ADCY7: variants seen among roughly 807,000 people sequenced by gnomAD.
ADCY7 encodes adenylate cyclase 7.
In ADCY7, 72 loss-of-function variants were observed where a neutral mutation model predicts 120.6. The observed-to-expected ratio is 0.60, with a 90% CI of 0.49 to 0.73. The LOEUF is 0.73. Ranked by LOEUF, ADCY7 falls within the 30% of genes least tolerant of loss-of-function variation. The pLI is 0.00. For missense variants in ADCY7, 1,227 were observed against 1,486.0 expected (o/e 0.83, Z 2.87); for synonymous variants, 661 against 628.0 (o/e 1.05, Z -0.78).
chr16:50,250,571 C>CCAG (rs2032728528), intron 1 of ADCY7, among the ~76,000 whole-genome samples: 1 of 150,766 alleles, frequency 6.6e-6, no homozygotes, highest in Non-Finnish European at 1.5e-5. Context: ...GAGTGTGAGA[C>CCAG]CAGCTTGGAC....
At chr16:50,308,859 A>G in intron 17 of ADCY7, 67 bp downstream of exon 17, 10 of 1,520,108 alleles carry the variant, frequency 6.6e-6, no homozygotes, top group Non-Finnish European at 8.8e-6. Context: ...GGACGCCTAC[A>G]ATGTGGCCTT....
In ADCY7 at chr16:50,270,374, T is replaced by C. The variant is rs141457678; in HGVS notation, c.-269+3694T>C. Among the ~76,000 whole-genome samples, 35 of 152,336 alleles carry C rather than the reference T, an allele frequency of 2.3e-4. No homozygotes were observed. In the East Asian group the frequency reaches 5.8e-3, roughly 25 times the overall value. On this transcript the variant is annotated intron_variant, in intron 1 of 25. Transcript: ENST00000673801. ...CCCGCCTCCAGGCAGAACTGGACTG[T>C]GCTCTGGTCCGGCGGCACGGGTTCC...
intron 3 of ADCY7, among the ~76,000 whole-genome samples, chr16:50,291,531 G>C (rs1262634677): frequency 6.6e-6 from 1 of 152,206 alleles, no homozygotes; most frequent in Admixed American, 6.5e-5. Flanking sequence ...GATCAGCACA[G>C]GAAACCATGA....
intron 9 of ADCY7, 93 bp downstream of exon 9, chr16:50,300,966 G>A (rs2035679139): frequency 6.5e-7 from 1 of 1,532,040 alleles, no homozygotes; most frequent in Non-Finnish European, 8.8e-7. Flanking sequence ...AGGTGTGGAG[G>A]GAGAGATGAA....
In ADCY7 at chr16:50,308,358, G is replaced by A. The variant is rs1231242794; in HGVS notation, c.1882G>A (p.Val628Met). The A allele has an allele frequency of 6.2e-7, 1 of 1,614,190 alleles. No individual in the cohort carries two copies. The highest frequency in any genetic ancestry group is 1.7e-5 in the Admixed American group (1 of 60,028). Residue 628 changes from valine (V) to methionine (M), a missense_variant, in exon 16 of 26, where the codon GTG becomes ATG. Around this residue, in one of 5 missense-constraint regions of ADCY7, gnomAD observed 267 missense variants for 270.0 expected, o/e 0.99. Coordinates refer to ENST00000673801, the MANE Select transcript of ADCY7 (RefSeq NM_001114.5). ...TAALGVSFGL[V>M]ACVLGLVLGL... ...GGCACTGGGTGTGTCCTTCGGGCTG[G>A]TGGCCTGTGTACTGGGGCTGGTGCT...
chr16:50,288,105 T>G lies in ADCY7; in HGVS notation c.-75T>G, dbSNP rs373051027. 8.7e-5 allele frequency: 128 copies of G among 1,467,164 alleles called. No homozygotes were observed. In the African/African-American group the frequency reaches 1.5e-3, roughly 18 times the overall value. 90.9% of individuals were successfully genotyped at this position (1,467,164 alleles called of 1,614,324 possible). Reference sequence around the variant, plus strand: ...AGGCCTAGGCCCACGGGGGAGGGTGTTGGCAGACAGATGCCCTCCAGGCCC... The same window carrying G: ...AGGCCTAGGCCCACGGGGGAGGGTGGTGGCAGACAGATGCCCTCCAGGCCC... On this transcript the variant is annotated 5_prime_UTR_variant, in exon 2 of 26. Coordinates refer to ENST00000673801, the MANE Select transcript of ADCY7 (RefSeq NM_001114.5).
chr16:50,282,064 G>GC (rs909546457), intron 1 of ADCY7, among the ~76,000 whole-genome samples: 1 of 152,106 alleles, frequency 6.6e-6, no homozygotes, highest in South Asian at 2.1e-4. Flanking sequence ...AGGCTTCCAT[G>GC]CCCCCCTCAC....
At chr16:50,267,484 C>A (rs1281971088) in intron 1 of ADCY7, among the ~76,000 whole-genome samples, 1 of 152,196 alleles carries the variant, frequency 6.6e-6, no homozygotes, top group East Asian at 1.9e-4. Context: ...CCACCTACGA[C>A]AGGGGCCCTG....
intron 1 of ADCY7, among the ~76,000 whole-genome samples, chr16:50,283,468 C>T (rs898556275): frequency 5.9e-5 from 9 of 152,252 alleles, no homozygotes; most frequent in African/African-American, 1.9e-4. Context: ...AGAGAGCCTT[C>T]ACTTCCCAGG....
At chr16:50,245,038 G>A (rs190093853), upstream of ADCY7, among the ~76,000 whole-genome samples, 12 of 152,320 alleles carry the variant, frequency 7.9e-5, no homozygotes, top group African/African-American at 2.6e-4. Flanking sequence ...TGGTTTCAAC[G>A]TGGGTGGCCT....
At chr16:50,251,081 G>GAA (rs1171339576) in intron 1 of ADCY7, among the ~76,000 whole-genome samples, 1 of 148,428 alleles carries the variant, frequency 6.7e-6, no homozygotes, top group Non-Finnish European at 1.5e-5. Context: ...CCCAAAAAAA[G>GAA]AAAAAAAAAA....
chr16:50,314,146 T>C (rs1177865351), intron 23 of ADCY7, 84 bp downstream of exon 23: 2 of 1,452,524 alleles, frequency 1.4e-6, no homozygotes, highest in African/African-American at 1.4e-5. Flanking sequence ...TGTGCCCTTA[T>C]CTCGTCCTGG....
In ADCY7 at chr16:50,293,605, C is replaced by A. The variant is rs1303020655; in HGVS notation, c.836+103C>A. On this transcript the variant is annotated intron_variant, in intron 6 of 25. Coordinates refer to ENST00000673801, the MANE Select transcript of ADCY7 (RefSeq NM_001114.5). ...CCCTATCTGGAGGCTCAGACCCCTG[C>A]CCATATAGGGATTGGGAGAGGGCCC... The A allele has an allele frequency of 1.9e-5, 26 of 1,403,592 alleles. No individual in the cohort carries two copies. In the East Asian group the frequency reaches 5.5e-4, roughly 30 times the overall value. 86.9% of individuals were successfully genotyped at this position (1,403,592 alleles called of 1,614,324 possible). A position where few individuals can be genotyped will look rare whatever the true frequency, so the allele number is the denominator to read the frequency against.
In ADCY7 at chr16:50,292,430, G is replaced by A. The variant is rs544132853; in HGVS notation, c.538-246G>A. ...TTAGCACGCATGCCCCTCGGGCCCT[G>A]GGCTCTGTGAGGTGGTCTCTTCTGC... On this transcript the variant is annotated intron_variant, in intron 4 of 25. Transcript: ENST00000673801. 1.8e-4 allele frequency among the ~76,000 whole-genome samples: 27 copies of A among 152,338 alleles called. No homozygotes were observed. In the East Asian group the frequency reaches 5.2e-3, roughly 29 times the overall value.
At chr16:50,294,897 C>T (rs1596923740) in intron 7 of ADCY7, 146 bp downstream of exon 7, 1 of 612,808 alleles carries the variant, frequency 1.6e-6, no homozygotes, top group Non-Finnish European at 2.9e-6. Flanking sequence ...CACAAGCGCC[C>T]CATGGTAAAG....
intron 1 of ADCY7, among the ~76,000 whole-genome samples, chr16:50,255,402 G>GGAAAAAAAAAA (rs368044444): frequency 1.0e-4 from 11 of 108,134 alleles, no homozygotes; most frequent in African/African-American, 3.7e-4. Flanking sequence ...TCTGTTTCTG[G>GGAAAAAAAAAA]AAAAAAAAAA....
chr16:50,316,539 C>G lies in ADCY7; in HGVS notation c.*1034C>G, dbSNP rs987617004. ...CTCTTCTTTCCTTTAGTCTTCACAG[C>G]TAACTCTGGAGAGCTTCAAAACTAG... On this transcript the variant is annotated 3_prime_UTR_variant, in exon 26 of 26. Coordinates refer to ENST00000673801, the MANE Select transcript of ADCY7 (RefSeq NM_001114.5). 7 of 152,340 alleles carry G rather than the reference C, an allele frequency of 4.6e-5. No homozygotes were observed. Among genetic ancestry groups the G allele is most frequent in the African/African-American group, 1.7e-4 (7 of 41,460 alleles). The allele number at this position is 152,340 out of a possible 1,614,324, so 9.4% of individuals were successfully genotyped here.
intron 1 of ADCY7, among the ~76,000 whole-genome samples, chr16:50,285,344 G>T (rs1374226540): frequency 6.6e-6 from 1 of 152,210 alleles, no homozygotes; most frequent in Non-Finnish European, 1.5e-5. Context: ...CAAATATGTG[G>T]TTTTACCATT....
At chr16:50,260,738 C>T (rs1392881884) in intron 1 of ADCY7, among the ~76,000 whole-genome samples, 2 of 152,166 alleles carry the variant, frequency 1.3e-5, no homozygotes, top group Non-Finnish European at 2.9e-5. Context: ...TGGGTTGGTG[C>T]TGGCTGCTGG....
Sources: allele counts gnomAD v4.1 joint callset (sites outside exome capture counted in the v4.1 genomes callset), GRCh38; gene constraint gnomAD v4.1.1; regional missense constraint gnomAD v4.1.1; transcripts MANE v1.5; gene names NCBI Gene and HGNC (gene_info 2026-07-23, HGNC 2026-07-21).